The following ZNF516 variants were observed in gnomAD, a reference collection of about 807,000 sequenced individuals.
ZNF516 encodes the protein zinc finger protein 516.
ZNF516 carries 19 observed loss-of-function variants against 79.7 expected under a neutral mutation model. That is an observed-to-expected ratio of 0.24 (90% CI 0.17 to 0.35). The LOEUF (loss-of-function observed/expected upper bound fraction) is 0.35. ZNF516 is among the 10% of genes least tolerant of loss of function. The pLI is 1.00. For missense variants in ZNF516, 1,678 were observed against 1,679.5 expected (o/e 1.00, Z 0.02); for synonymous variants, 877 against 739.5 (o/e 1.19, Z -3.02).
chr18:76,405,156 C>T (rs555207683), intron 3 of ZNF516, among the ~76,000 whole-genome samples: 34 of 152,220 alleles, frequency 2.2e-4, no homozygotes, highest in African/African-American at 2.9e-4. Context: ...ATCGGGAACA[C>T]GGTTTCCAGG....
intron 2 of ZNF516, among the ~76,000 whole-genome samples, chr18:76,453,215 G>A (rs1057327799): frequency 3.3e-5 from 5 of 152,310 alleles, no homozygotes; most frequent in South Asian, 4.1e-4. Flanking sequence ...AAGAGCTGGC[G>A]TTAGGGATTT....
At chr18:76,489,073 T>C (rs1193776785) in intron 1 of ZNF516, among the ~76,000 whole-genome samples, 4 of 152,208 alleles carry the variant, frequency 2.6e-5, no homozygotes, top group Non-Finnish European at 5.9e-5. Flanking sequence ...CTCTACAGCA[T>C]TAAGGTATAA....
intron 3 of ZNF516, among the ~76,000 whole-genome samples, chr18:76,423,340 G>C (rs953735398): frequency 1.3e-5 from 2 of 152,252 alleles, no homozygotes; most frequent in African/African-American, 4.8e-5. Flanking sequence ...AATGTGAACT[G>C]ACAGTACCTT....
intron 2 of ZNF516, among the ~76,000 whole-genome samples, chr18:76,445,861 C>G (rs1912014312): frequency 6.6e-6 from 1 of 152,238 alleles, no homozygotes; most frequent in African/African-American, 2.4e-5. Flanking sequence ...TGCAAAGACT[C>G]ACACCAATCA....
rs542758235 is a variant in ZNF516, at chr18:76,441,954, G to A, written c.1101C>T (p.Ala367=). 6.2e-6 allele frequency: 10 copies of A among 1,612,078 alleles called. No individual in the cohort carries two copies. The Admixed American group carries it at 1.0e-4, about 16-fold the overall frequency. The change falls in exon 3 of 7, where the codon GCC becomes GCT. Residue 367 remains alanine, a synonymous_variant. Coordinates refer to ENST00000443185, the MANE Select transcript of ZNF516 (RefSeq NM_014643.4). ...HRRVEASRTR[A]PAEEGAEGPS... ...GCCCCTCCGCCCCCTCCTCGGCCGG[G>A]GCGCGCGTGCGGCTGGCCTCGACTC...
intron 1 of ZNF516, chr18:76,492,334 G>T (rs1915280566): frequency 1.2e-5 from 12 of 985,478 alleles, no homozygotes; most frequent in Non-Finnish European, 1.4e-5. Flanking sequence ...CGGTGCCACA[G>T]TAAGTCAGCT....
chr18:76,379,664 C>G lies in ZNF516; in HGVS notation c.2450G>C (p.Gly817Ala), dbSNP rs1446708122. The part of the protein sequence containing the change: ...LVFLSRSGRT[G>A]PPPALGGKEC... ...TTTGCCACCGAGGGCAGGCGGGGGG[C>G]CCGTGCGTCCGCTCCGGGAAAGGAA... is the stretch of plus-strand genomic sequence containing the variant. The change falls in exon 4 of 7, where the codon GGC becomes GCC. Residue 817 changes from glycine (G) to alanine (A), a missense_variant. Transcript: ENST00000443185. The G allele has an allele frequency of 1.2e-6, 2 of 1,613,474 alleles. No homozygotes were observed. The highest frequency in any genetic ancestry group is 1.1e-5 in the South Asian group (1 of 91,094).
chr18:76,411,372 T>C (rs1414744668), intron 3 of ZNF516, among the ~76,000 whole-genome samples: 1 of 152,232 alleles, frequency 6.6e-6, no homozygotes, highest in Non-Finnish European at 1.5e-5. Flanking sequence ...CTGAACATCC[T>C]GCACTGGAGA....
chr18:76,421,804 C>T (rs1310098885), intron 3 of ZNF516, among the ~76,000 whole-genome samples: 2 of 152,206 alleles, frequency 1.3e-5, no homozygotes, highest in African/African-American at 4.8e-5. Flanking sequence ...AGTGCCACAA[C>T]ATAAGTATTT....
At chr18:76,405,765 G>A (rs542924267) in intron 3 of ZNF516, among the ~76,000 whole-genome samples, 5 of 152,104 alleles carry the variant, frequency 3.3e-5, no homozygotes, top group South Asian at 2.1e-4. Context: ...TGTGTTGTCC[G>A]AGACACAGAG....
In ZNF516 at chr18:76,362,184, T is replaced by A. The variant is rs893670046; in HGVS notation, c.*314A>T. 1.4e-5 allele frequency: 4 copies of A among 278,432 alleles called. No individual in the cohort carries two copies. Among genetic ancestry groups the A allele is most frequent in the Admixed American group, 4.6e-5 (1 of 21,526 alleles). The allele number at this position is 278,432 out of a possible 1,614,324, so 17.2% of individuals were successfully genotyped here. ...TAAGACAGATGCCTTGTGCCCCTAC[T>A]GTGCCTGCCAGTACTACTGTTTATT... On this transcript the variant is annotated 3_prime_UTR_variant, in exon 7 of 7. Coordinates refer to ENST00000443185, the MANE Select transcript of ZNF516 (RefSeq NM_014643.4).
chr18:76,363,666 G>T (rs1047673288), intron 6 of ZNF516, among the ~76,000 whole-genome samples: 1 of 152,182 alleles, frequency 6.6e-6, no homozygotes, highest in Non-Finnish European at 1.5e-5. Context: ...TGCAGTAAAC[G>T]GACAAAGACT....
chr18:76,389,638 G>A (rs1207344473), intron 3 of ZNF516, among the ~76,000 whole-genome samples: 3 of 152,140 alleles, frequency 2.0e-5, no homozygotes, highest in African/African-American at 7.2e-5. Flanking sequence ...ACTCTTCAAT[G>A]TCATTTTTTG....
At position 76,362,571 on chromosome 18, in the gene ZNF516, A is replaced by G; in HGVS notation, c.3433-14T>C. The G allele has an allele frequency of 6.2e-7, 1 of 1,603,994 alleles. No individual in the cohort carries two copies. The highest frequency in any genetic ancestry group is 8.5e-7 in the Non-Finnish European group (1 of 1,171,764). On this transcript the variant is annotated splice_polypyrimidine_tract_variant and intron_variant, in intron 6 of 6. Coordinates refer to ENST00000443185, the MANE Select transcript of ZNF516 (RefSeq NM_014643.4). ...ATGGTCTCTCCCCTGGGTGAGAAAA[A>G]GGAAAGAACAGGAGAAAAGCTCATT...
At position 76,380,285 on chromosome 18, in the gene ZNF516, C is replaced by T. The variant is rs376117649; in HGVS notation, c.1829G>A (p.Cys610Tyr). The T allele has an allele frequency of 1.2e-6, 2 of 1,613,550 alleles. No individual in the cohort carries two copies. The highest frequency in any genetic ancestry group is 1.7e-6 in the Non-Finnish European group (2 of 1,179,684). ...EPAPGGQPRR[C>Y]CFSEEVTSTE... ...CGAAGTCACCTCTTCGGAAAAGCAGCAGCGGCGCGGCTGTCCCCCTAGAGG... is the reference window on the plus strand; with the variant it reads ...CGAAGTCACCTCTTCGGAAAAGCAGTAGCGGCGCGGCTGTCCCCCTAGAGG... The change falls in exon 4 of 7, where the codon TGC becomes TAC. Residue 610 changes from cysteine (C) to tyrosine (Y), a missense_variant. By Grantham distance (194) the Cys-to-Tyr change is radical. Coordinates refer to ENST00000443185, the MANE Select transcript of ZNF516 (RefSeq NM_014643.4).
chr18:76,496,405 G>T, upstream of ZNF516: 1 of 1,289,640 alleles, frequency 7.8e-7, no homozygotes, highest in Non-Finnish European at 1.0e-6. Context: ...CCTCAGCGGC[G>T]GCGTCTCTCT....
At chr18:76,382,307 G>A (rs1407697613) in intron 3 of ZNF516, among the ~76,000 whole-genome samples, 1 of 152,136 alleles carries the variant, frequency 6.6e-6, no homozygotes, top group Admixed American at 6.6e-5. Flanking sequence ...GGAAACGTTA[G>A]CCTTTGTTTA....
At chr18:76,399,931 G>A (rs1344623552) in intron 3 of ZNF516, among the ~76,000 whole-genome samples, 3 of 152,154 alleles carry the variant, frequency 2.0e-5, no homozygotes. Context: ...TAAGATACCT[G>A]GCTCTTTGGC....
At chr18:76,435,839 G>A (rs568242484) in intron 3 of ZNF516, among the ~76,000 whole-genome samples, 19 of 152,258 alleles carry the variant, frequency 1.2e-4, no homozygotes, top group Non-Finnish European at 2.1e-4. Flanking sequence ...CTCGGTCTCC[G>A]TTCTTCTGAA....
Sources: allele counts gnomAD v4.1 joint callset (sites outside exome capture counted in the v4.1 genomes callset), GRCh38; gene constraint gnomAD v4.1.1; transcripts MANE v1.5; gene names NCBI Gene and HGNC (gene_info 2026-07-23, HGNC 2026-07-21).